The following TENM3 variants were observed in gnomAD, a reference collection of about 807,000 sequenced individuals.
TENM3 encodes the protein teneurin transmembrane protein 3.
In TENM3, 63 loss-of-function variants were observed where a neutral mutation model predicts 255.1. The ratio of observed to expected loss-of-function variants is 0.25; its 90% CI spans 0.20 to 0.30. The LOEUF (loss-of-function observed/expected upper bound fraction) is 0.30, where lower values mean the gene tolerates loss of function less well. TENM3 is among the 10% of genes least tolerant of loss of function. TENM3 has a pLI of 1.00. For missense variants in TENM3, 2,929 were observed against 3,461.1 expected (o/e 0.85, Z 3.86); for synonymous variants, 1,306 against 1,322.3 (o/e 0.99, Z 0.27).
chr4:182,594,683 GGTGTGTGTGTGTGTGTGTGTGTGTGT>G (rs67667219), intron 3 of TENM3, among the ~76,000 whole-genome samples: 15,567 of 138,248 alleles, frequency 0.11, 1,036 homozygotes, highest in Non-Finnish European at 0.15. Flanking sequence ...TTTTTGTTTT[GGTGTGTGTGTGTGTGTGTGTGTGTGT>G]GTGTGTGTGT....
chr4:181,468,132 CAA>C, the TENM3 span, among the ~76,000 whole-genome samples: 1 of 130,724 alleles, frequency 7.6e-6, no homozygotes, highest in Non-Finnish European at 1.6e-5. Context: ...CCCATCTGTA[CAA>C]AAAAAAAAAA....
chr4:181,890,606 T>A, the TENM3 span, among the ~76,000 whole-genome samples: 1 of 152,178 alleles, frequency 6.6e-6, no homozygotes, highest in Non-Finnish European at 1.5e-5. Flanking sequence ...TCAAGCAATT[T>A]ATTCTAACGT....
chr4:182,457,175 ACT>A (rs1487432124), intron 3 of TENM3, among the ~76,000 whole-genome samples: 1 of 139,880 alleles, frequency 7.1e-6, no homozygotes, highest in Non-Finnish European at 1.5e-5. Flanking sequence ...ACAGAGCAAG[ACT>A]CTGTCTCTCA....
chr4:182,417,275 C>G (rs1271072731), intron 3 of TENM3, among the ~76,000 whole-genome samples: 1 of 152,072 alleles, frequency 6.6e-6, no homozygotes, highest in Non-Finnish European at 1.5e-5. Flanking sequence ...CGAGCCCGGC[C>G]TCCATTTTCA....
intron 3 of TENM3, among the ~76,000 whole-genome samples, chr4:182,566,597 T>C (rs1743813380): frequency 6.6e-6 from 1 of 152,230 alleles, no homozygotes; most frequent in Non-Finnish European, 1.5e-5. Flanking sequence ...TCTTCCAGCC[T>C]TTCACGCACT....
the TENM3 span, among the ~76,000 whole-genome samples, chr4:181,622,569 G>A: frequency 1.3e-5 from 2 of 152,092 alleles, no homozygotes; most frequent in Non-Finnish European, 2.9e-5. Flanking sequence ...TCAGCTACTC[G>A]GGAGGTTGAG....
the TENM3 span, among the ~76,000 whole-genome samples, chr4:181,466,117 T>TC: frequency 7.9e-5 from 1 of 12,722 alleles, no homozygotes; most frequent in East Asian, 1.4e-3. Context: ...GGAATTTTTT[T>TC]TTTTGTTTTG....
At chr4:182,361,980 C>A (rs1386762699) in intron 3 of TENM3, among the ~76,000 whole-genome samples, 1 of 152,182 alleles carries the variant, frequency 6.6e-6, no homozygotes, top group African/African-American at 2.4e-5. Context: ...GCTAGAGGTC[C>A]ACTCCAGACC....
chr4:181,612,457 C>G, the TENM3 span, among the ~76,000 whole-genome samples: 318 of 151,630 alleles, frequency 2.1e-3, no homozygotes, highest in Non-Finnish European at 3.5e-3. Context: ...TAATTAGAAA[C>G]AGCTTAGAGA....
the TENM3 span, among the ~76,000 whole-genome samples, chr4:181,735,226 C>G: frequency 6.6e-6 from 1 of 151,872 alleles, no homozygotes; most frequent in Non-Finnish European, 1.5e-5. Flanking sequence ...AGAACATGTC[C>G]TTAATAGAGT....
chr4:182,356,629 T>G (rs181320862), intron 3 of TENM3, among the ~76,000 whole-genome samples: 41 of 152,110 alleles, frequency 2.7e-4, no homozygotes, highest in Admixed American at 1.8e-3. Context: ...CCTCTGAGAA[T>G]CAGGAGTGAA....
chr4:181,469,466 T>C, the TENM3 span, among the ~76,000 whole-genome samples: 19 of 152,218 alleles, frequency 1.2e-4, no homozygotes, highest in African/African-American at 4.6e-4. Context: ...AATAATCAGC[T>C]TTAAAAACAC....
chr4:181,456,123 A>G, the TENM3 span, among the ~76,000 whole-genome samples: 3,927 of 93,410 alleles, frequency 0.042, 189 homozygotes, highest in African/African-American at 0.16. Context: ...GTATATATAT[A>G]TATATGTGTG....
intron 5 of TENM3, among the ~76,000 whole-genome samples, chr4:182,648,833 G>C (rs1372102431): frequency 6.6e-6 from 1 of 151,548 alleles, no homozygotes; most frequent in Non-Finnish European, 1.5e-5. Context: ...TCCCTTTTTT[G>C]TGTGTGACTG....
the TENM3 span, among the ~76,000 whole-genome samples, chr4:181,796,901 A>AT: frequency 6.6e-6 from 1 of 152,106 alleles, no homozygotes; most frequent in Admixed American, 6.5e-5. Context: ...TTCTTACGTC[A>AT]TGTCAGAGCA....
At chr4:181,539,337 G>A in the TENM3 span, among the ~76,000 whole-genome samples, 2 of 152,062 alleles carry the variant, frequency 1.3e-5, no homozygotes, top group Non-Finnish European at 2.9e-5. Context: ...TACTTGATAT[G>A]GTTAAAATAT....
the TENM3 span, among the ~76,000 whole-genome samples, chr4:181,851,285 C>G: frequency 3.8e-3 from 581 of 152,306 alleles, 1 homozygote; most frequent in Admixed American, 6.7e-3. Flanking sequence ...TGCCCTACCC[C>G]TCCCAGCACT....
the TENM3 span, among the ~76,000 whole-genome samples, chr4:182,094,509 G>A: frequency 6.6e-6 from 1 of 152,186 alleles, no homozygotes; most frequent in Non-Finnish European, 1.5e-5. Flanking sequence ...GCATCCCAAA[G>A]TGCTGGGATT....
intron 3 of TENM3, among the ~76,000 whole-genome samples, chr4:182,563,637 A>G (rs1234391795): frequency 6.6e-6 from 1 of 152,200 alleles, no homozygotes; most frequent in African/African-American, 2.4e-5. Context: ...TAGCAGGGGC[A>G]GTTACTATTA....
Sources: allele counts gnomAD v4.1 joint callset (sites outside exome capture counted in the v4.1 genomes callset), GRCh38; gene constraint gnomAD v4.1.1; transcripts MANE v1.5; gene names NCBI Gene and HGNC (gene_info 2026-07-23, HGNC 2026-07-21).